The following RASA2 variants were observed in gnomAD, a reference collection of about 807,000 sequenced individuals.
The protein encoded by RASA2 is ras GTPase-activating protein 2.
RASA2 carries 155 observed loss-of-function variants against 118.2 expected under a neutral mutation model. The observed-to-expected ratio is 1.31, with a 90% CI of 1.15 to 1.50. RASA2 has a LOEUF of 1.50. RASA2 is among the 40% of genes most tolerant of loss of function. The pLI is 0.00. For missense variants in RASA2, 1,016 were observed against 1,009.6 expected, an observed-to-expected ratio of 1.01 and a Z score of -0.09; for synonymous variants, 353 against 349.1, an observed-to-expected ratio of 1.01 and a Z score of -0.12.
chr3:141,572,812 C>T, intron 12 of RASA2, 89 bp downstream of exon 12: 1 of 1,033,268 alleles, frequency 9.7e-7, no homozygotes. Flanking sequence ...AGGATTTATT[C>T]ATTCATGTGT....
chr3:141,599,925 CT>C (rs2083438103), intron 19 of RASA2, among the ~76,000 whole-genome samples: 1 of 152,164 alleles, frequency 6.6e-6, no homozygotes, highest in Non-Finnish European at 1.5e-5. Flanking sequence ...ATTTTTATAT[CT>C]TCACAGTAAT....
chr3:141,546,040 C>G (rs1157719157), intron 5 of RASA2, among the ~76,000 whole-genome samples: 1 of 152,156 alleles, frequency 6.6e-6, no homozygotes, highest in East Asian at 1.9e-4. Context: ...GGACCTGATT[C>G]TTTTTTGTGA....
In RASA2 at chr3:141,612,523, C is replaced by T. The variant is rs2083668112; in HGVS notation, c.*210C>T. The T allele has an allele frequency of 2.2e-6, 1 of 448,826 alleles. No individual in the cohort carries two copies. The highest frequency in any genetic ancestry group is 4.0e-6 in the Non-Finnish European group (1 of 249,650). 27.8% of individuals were successfully genotyped at this position (448,826 alleles called of 1,614,324 possible). On this transcript the variant is annotated 3_prime_UTR_variant, in exon 24 of 24. Coordinates refer to ENST00000286364, the MANE Select transcript of RASA2 (RefSeq NM_006506.5). ...CTAGAGAATTTAAAGCCCAAGATTC[C>T]CTTCATACCTGTGTGACCAAATCCA...
intron 9 of RASA2, among the ~76,000 whole-genome samples, chr3:141,568,659 T>C (rs2082863781): frequency 6.6e-6 from 1 of 152,060 alleles, no homozygotes; most frequent in Admixed American, 6.5e-5. Flanking sequence ...CAAAGAGTGA[T>C]GAAAATAGTA....
intron 13 of RASA2, among the ~76,000 whole-genome samples, chr3:141,573,444 G>C (rs1339288794): frequency 6.6e-6 from 1 of 151,910 alleles, no homozygotes; most frequent in Non-Finnish European, 1.5e-5. Context: ...TCTCTTTTTG[G>C]CTCTAGTAAC....
intron 13 of RASA2, 72 bp downstream of exon 13, chr3:141,573,293 T>C: frequency 6.9e-7 from 1 of 1,445,486 alleles, no homozygotes; most frequent in Non-Finnish European, 9.1e-7. Flanking sequence ...CCCACTTACA[T>C]TATGATAAAG....
At chr3:141,542,205 T>C (rs1209383485) in intron 5 of RASA2, among the ~76,000 whole-genome samples, 1 of 152,106 alleles carries the variant, frequency 6.6e-6, no homozygotes, top group East Asian at 1.9e-4. Flanking sequence ...CACACCCAGC[T>C]CCAAGCAACC....
chr3:141,580,085 A>AAAATAT lies in RASA2; in HGVS notation c.1591-282_1591-281insAATATA, dbSNP rs1553797703. ...AAAAAAAAAGAAAAAAAAAAAAAAA[A>AAAATAT]ATATATATATATATATATATATATA... On this transcript the variant is annotated intron_variant, in intron 15 of 23. Coordinates refer to ENST00000286364, the MANE Select transcript of RASA2 (RefSeq NM_006506.5). Among the ~76,000 whole-genome samples, 89 of 59,588 alleles carry AAAATAT rather than the reference A, an allele frequency of 1.5e-3. 1 individual carries two copies. The highest frequency in any genetic ancestry group is 1.8e-3 in the South Asian group (2 of 1,104). The allele number at this position is 59,588 out of a possible 152,430, so 39.1% of individuals were successfully genotyped here. A position where few individuals can be genotyped will look rare whatever the true frequency, so the allele number is the denominator to read the frequency against.
At chr3:141,565,458 G>C (rs1432066529) in intron 9 of RASA2, among the ~76,000 whole-genome samples, 1 of 152,182 alleles carries the variant, frequency 6.6e-6, no homozygotes, top group Non-Finnish European at 1.5e-5. Flanking sequence ...ATCTCACCTT[G>C]AATTGTAATC....
At chr3:141,488,617 A>T (rs952676756) in intron 1 of RASA2, among the ~76,000 whole-genome samples, 1 of 152,206 alleles carries the variant, frequency 6.6e-6, no homozygotes. Context: ...AGAGAGGTAG[A>T]TCTTAGTTCC....
intron 9 of RASA2, among the ~76,000 whole-genome samples, chr3:141,561,673 G>T (rs1195687072): frequency 6.6e-6 from 1 of 152,142 alleles, no homozygotes; most frequent in Non-Finnish European, 1.5e-5. Flanking sequence ...CTCAAGAAAA[G>T]ATTTATTTAC....
chr3:141,595,007 T>G (rs1415853230), intron 19 of RASA2, among the ~76,000 whole-genome samples: 2 of 152,190 alleles, frequency 1.3e-5, no homozygotes, highest in Non-Finnish European at 2.9e-5. Flanking sequence ...TGGAGTAAAT[T>G]ATTCCAAGGG....
At chr3:141,576,871 T>C (rs1392702217) in intron 14 of RASA2, 129 bp from the exon 15 acceptor site, 1 of 443,162 alleles carries the variant, frequency 2.3e-6, no homozygotes, top group Non-Finnish European at 3.9e-6. Flanking sequence ...TATCATTTCA[T>C]CAACTCAGTT....
chr3:141,590,164 A>T (rs772533675), intron 19 of RASA2: 1 of 456,564 alleles, frequency 2.2e-6, no homozygotes, highest in South Asian at 1.5e-5. Flanking sequence ...CTTCTAGATG[A>T]CTTGGGGCTA....
intron 1 of RASA2, among the ~76,000 whole-genome samples, chr3:141,490,259 C>CTGCACTCCATTCTTT (rs1444066964): frequency 1.1e-4 from 16 of 148,004 alleles, no homozygotes; most frequent in Middle Eastern, 3.5e-3. Flanking sequence ...CTCCATTCTT[C>CTGCACTCCATTCTTT]GGTCTGCACT....
At chr3:141,525,771 C>T (rs2082176682) in intron 3 of RASA2, 1 of 151,804 alleles carries the variant, frequency 6.6e-6, no homozygotes, top group South Asian at 2.1e-4. Context: ...CATGCCACTA[C>T]ACTCCATCCT....
intron 15 of RASA2, among the ~76,000 whole-genome samples, chr3:141,580,075 AAAAAAAAAAAATAT>A: frequency 9.2e-6 from 1 of 108,218 alleles, no homozygotes; most frequent in Non-Finnish European, 1.8e-5. Flanking sequence ...AAAAGAAAAA[AAAAAAAAAAAATAT>A]ATATATATAT....
At chr3:141,530,777 C>T (rs1373175050) in intron 4 of RASA2, among the ~76,000 whole-genome samples, 1 of 152,122 alleles carries the variant, frequency 6.6e-6, no homozygotes, top group East Asian at 1.9e-4. Flanking sequence ...TCCTGTTTAA[C>T]CTACTTTGCC....
At chr3:141,548,964 G>A (rs1378080420) in intron 5 of RASA2, among the ~76,000 whole-genome samples, 2 of 152,122 alleles carry the variant, frequency 1.3e-5, no homozygotes, top group Non-Finnish European at 2.9e-5. Context: ...GAATATAGCT[G>A]GAGAAAATCA....
Sources: gnomAD v4.1 joint callset for allele counts (sites outside exome capture counted in the v4.1 genomes callset) on GRCh38, gnomAD v4.1.1 for gene constraint, MANE v1.5 for transcripts, NCBI Gene and HGNC (gene_info 2026-07-23, HGNC 2026-07-21) for gene names.